Variants in ADD3 observed in about 807,000 individuals in gnomAD.
ADD3 encodes the protein gamma-adducin.
Under a neutral mutation model 80.2 loss-of-function variants are expected in ADD3, and 25 were observed. The ratio of observed to expected loss-of-function variants is 0.31; its 90% CI spans 0.23 to 0.44. ADD3 has a LOEUF of 0.44. Among genes scored for constraint, ADD3 ranks in the 20% least tolerant of loss-of-function variants. ADD3 has a pLI of 1.00. For synonymous variants in ADD3, 284 were observed against 289.6 expected, an observed-to-expected ratio of 0.98 and a Z score of 0.20; for missense variants, 829 against 847.5, an observed-to-expected ratio of 0.98 and a Z score of 0.27.
At chr10:110,088,015 ATCTCTGCCCTGTCAT>A (rs1284461611) in intron 1 of ADD3, among the ~76,000 whole-genome samples, 3 of 151,930 alleles carry the variant, frequency 2.0e-5, no homozygotes, top group Non-Finnish European at 4.4e-5. Flanking sequence ...CATCGGTTCA[ATCTCTGCCCTGTCAT>A]CATAGGGCTT....
chr10:110,086,579 GAT>G (rs1846788720), intron 1 of ADD3, among the ~76,000 whole-genome samples: 1 of 152,176 alleles, frequency 6.6e-6, no homozygotes, highest in Non-Finnish European at 1.5e-5. Flanking sequence ...GCTATCTCAT[GAT>G]AGAGTTCTCA....
Position 110,116,264 on chromosome 10 carries a change from G to A in ADD3, c.340G>A (p.Gly114Ser). The change falls in exon 4 of 15, where the codon GGC becomes AGC. Residue 114 changes from glycine to serine, a missense_variant. Coordinates refer to ENST00000356080, the MANE Select transcript of ADD3 (RefSeq NM_016824.5). Reference protein sequence around the residue: ...SGFSSPPLSLGMVTPINDLPG... With the variant: ...SGFSSPPLSLSMVTPINDLPG... ...CACATTTTTTGCTCTTTTAGGTCTT[G>A]GCATGGTCACACCTATCAATGACCT... is the stretch of plus-strand genomic sequence containing the variant. 3 of 1,613,754 alleles carry A rather than the reference G, an allele frequency of 1.9e-6. No individual in the cohort carries two copies. The highest frequency in any genetic ancestry group is 2.5e-6 in the Non-Finnish European group (3 of 1,179,872).
chr10:110,028,152 A>G (rs1471097554), intron 1 of ADD3, among the ~76,000 whole-genome samples: 1 of 152,234 alleles, frequency 6.6e-6, no homozygotes, highest in Non-Finnish European at 1.5e-5. Context: ...TATTTGGTAC[A>G]TAGTAGGTGC....
At chr10:110,037,483 T>C (rs980407284) in intron 1 of ADD3, among the ~76,000 whole-genome samples, 24 of 151,488 alleles carry the variant, frequency 1.6e-4, no homozygotes, top group Admixed American at 1.1e-3. Flanking sequence ...TGGGCACCTG[T>C]AGTCCCAGCT....
chr10:110,011,897 C>T (rs1852377382), intron 1 of ADD3, among the ~76,000 whole-genome samples: 1 of 152,150 alleles, frequency 6.6e-6, no homozygotes. Context: ...GTTCTCTTGG[C>T]CAAATGCCAA....
chr10:110,088,437 A>G (rs764200188), intron 1 of ADD3, among the ~76,000 whole-genome samples: 10 of 152,250 alleles, frequency 6.6e-5, no homozygotes, highest in Non-Finnish European at 1.5e-4. Context: ...TATTTTTGCA[A>G]GTAGTTTTCA....
chr10:110,082,197 C>T (rs1846143883), intron 1 of ADD3, among the ~76,000 whole-genome samples: 2 of 151,562 alleles, frequency 1.3e-5, no homozygotes, highest in Admixed American at 6.6e-5. Context: ...CAACAAGTGT[C>T]ATGACTAAGC....
At chr10:110,118,885 A>C in intron 6 of ADD3, 149 bp downstream of exon 6, 1 of 798,700 alleles carries the variant, frequency 1.3e-6, no homozygotes, top group East Asian at 2.7e-5. Context: ...CTTTGGGACC[A>C]AATGCTACCA....
chr10:110,052,941 T>C (rs542209214), intron 1 of ADD3, among the ~76,000 whole-genome samples: 2 of 152,298 alleles, frequency 1.3e-5, no homozygotes, highest in East Asian at 3.9e-4. Flanking sequence ...TCTATGAAGA[T>C]ATAAATAATA....
At chr10:110,050,436 CATGTCTTTTG>C (rs1460707068) in intron 1 of ADD3, among the ~76,000 whole-genome samples, 1 of 151,538 alleles carries the variant, frequency 6.6e-6, no homozygotes, top group African/African-American at 2.4e-5. Context: ...CCATATAAGA[CATGTCTTTTG>C]CCTTCCACCG....
chr10:110,029,270 A>G (rs1380974730), intron 1 of ADD3, among the ~76,000 whole-genome samples: 1 of 152,238 alleles, frequency 6.6e-6, no homozygotes, highest in Admixed American at 6.5e-5. Flanking sequence ...TAATATACAG[A>G]GTAATAGATT....
intron 1 of ADD3, among the ~76,000 whole-genome samples, chr10:110,026,071 A>AGC (rs1371597810): frequency 2.0e-5 from 3 of 152,194 alleles, no homozygotes; most frequent in African/African-American, 7.2e-5. Context: ...TCACCACTGA[A>AGC]GCAAGTCATG....
At chr10:110,015,299 A>AC (rs1209645306) in intron 1 of ADD3, among the ~76,000 whole-genome samples, 1 of 152,194 alleles carries the variant, frequency 6.6e-6, no homozygotes, top group East Asian at 1.9e-4. Flanking sequence ...ATTATCAATG[A>AC]ATTAGAAATT....
chr10:110,097,909 G>A (rs1848360436), intron 1 of ADD3, among the ~76,000 whole-genome samples: 4 of 151,806 alleles, frequency 2.6e-5, no homozygotes, highest in Admixed American at 2.6e-4. Flanking sequence ...TGAGTAGCTG[G>A]GACTACAGGC....
At chr10:110,095,935 T>C (rs1848099491) in intron 1 of ADD3, among the ~76,000 whole-genome samples, 1 of 152,218 alleles carries the variant, frequency 6.6e-6, no homozygotes, top group African/African-American at 2.4e-5. Flanking sequence ...GGATTAGTGG[T>C]TGCTGCTGAT....
intron 1 of ADD3, among the ~76,000 whole-genome samples, chr10:110,088,362 C>T (rs1847071684): frequency 6.6e-6 from 1 of 152,164 alleles, no homozygotes; most frequent in Admixed American, 6.5e-5. Flanking sequence ...ATAAAAATCT[C>T]TTTTTGTGAA....
chr10:110,128,905 A>T (rs1197825469), intron 12 of ADD3, among the ~76,000 whole-genome samples: 3 of 152,186 alleles, frequency 2.0e-5, no homozygotes, highest in East Asian at 1.9e-4. Context: ...ACATTAAAGC[A>T]TATCAGAAGC....
chr10:110,086,729 A>C, intron 1 of ADD3, among the ~76,000 whole-genome samples: 1 of 152,162 alleles, frequency 6.6e-6, no homozygotes, highest in African/African-American at 2.4e-5. Flanking sequence ...CTCTCCAGCC[A>C]AGCTTCCTGT....
chr10:110,112,895 GT>G lies in ADD3; in HGVS notation c.319del (p.Ser107LeufsTer25). 6.2e-7 allele frequency: 1 copy of G among 1,613,592 alleles called. No individual in the cohort carries two copies. The highest frequency in any genetic ancestry group is 1.1e-5 in the South Asian group (1 of 90,966). On this transcript the variant is annotated frameshift_variant, in exon 3 of 15. Transcript: ENST00000356080. LOFTEE classifies it high-confidence loss of function. ...TACATCATGGCCAATTCTTTCTCGG[GT>G]TTTTCTTCACCTCCTCTCAGTATGT... ...ADYIMANSFS[G>X]FSSPPLSLGM...
Sources: gnomAD v4.1 joint callset for allele counts (sites outside exome capture counted in the v4.1 genomes callset) on GRCh38, gnomAD v4.1.1 for gene constraint, MANE v1.5 for transcripts, NCBI Gene and HGNC (gene_info 2026-07-23, HGNC 2026-07-21) for gene names.